The following DHRSX variants were observed in gnomAD, a reference collection of about 807,000 sequenced individuals.
DHRSX encodes polyprenol dehydrogenase.
A neutral mutation model predicts 34.0 loss-of-function variants in DHRSX; 31 were observed. That is an observed-to-expected ratio of 0.91 (90% CI 0.69 to 1.23). DHRSX has a LOEUF of 1.23. Among genes scored for constraint, DHRSX ranks in the 50% most tolerant of loss-of-function variants. The pLI, the probability that DHRSX is intolerant of heterozygous loss-of-function variation, is 0.00. For missense variants in DHRSX, 414 were observed against 428.1 expected, an observed-to-expected ratio of 0.97 and a Z score of 0.29; for synonymous variants, 201 against 183.8, an observed-to-expected ratio of 1.09 and a Z score of -0.76.
intron 3 of DHRSX, among the ~76,000 whole-genome samples, chrX:2,363,656 G>A (rs896424543): frequency 4.7e-5 from 7 of 148,874 alleles, no homozygotes; most frequent in Admixed American, 6.6e-5. Flanking sequence ...TTTTATCACC[G>A]TTCTATGGTA....
chrX:2,429,165 C>G (rs1332251964), intron 1 of DHRSX, among the ~76,000 whole-genome samples: 1 of 151,576 alleles, frequency 6.6e-6, no homozygotes, highest in African/African-American at 2.4e-5. Context: ...CTGACCCAAG[C>G]TGAGGGACTT....
chrX:2,248,701 G>T (rs2016361990), intron 5 of DHRSX, among the ~76,000 whole-genome samples: 1 of 151,588 alleles, frequency 6.6e-6, no homozygotes, highest in Non-Finnish European at 1.5e-5. Flanking sequence ...TTTGAATGTA[G>T]GTTCTACGAC....
At chrX:2,489,432 G>A (rs199719591) in intron 1 of DHRSX, 306 of 1,613,806 alleles carry the variant, frequency 1.9e-4, no homozygotes, top group Middle Eastern at 3.3e-4. Flanking sequence ...GTGGTGTTCA[G>A]GAGCATGTGC....
At chrX:2,392,185 C>T (rs527762484) in intron 3 of DHRSX, among the ~76,000 whole-genome samples, 2 of 152,222 alleles carry the variant, frequency 1.3e-5, no homozygotes, top group Admixed American at 6.5e-5. Context: ...ATGGGTATGA[C>T]GGTCAGGGAG....
At chrX:2,304,168 AACTG>A (rs2042065173) in intron 3 of DHRSX, among the ~76,000 whole-genome samples, 5 of 33,218 alleles carry the variant, frequency 1.5e-4, no homozygotes, top group African/African-American at 2.5e-4. Context: ...TGGATGGATG[AACTG>A]ATGGATGGAT....
At chrX:2,255,776 A>T (rs867425860) in intron 5 of DHRSX, among the ~76,000 whole-genome samples, 1 of 151,468 alleles carries the variant, frequency 6.6e-6, no homozygotes, top group Non-Finnish European at 1.5e-5. Flanking sequence ...TTAGGTGGGC[A>T]TGGTGGCGGT....
intron 5 of DHRSX, among the ~76,000 whole-genome samples, chrX:2,243,788 G>GTTTTTTTTTTTTTTTTT (rs778957532): frequency 1.0e-3 from 25 of 25,114 alleles, no homozygotes; most frequent in Non-Finnish European, 1.7e-3. Context: ...TATGCTCCCT[G>GTTTTTTTTTTTTTTTTT]TTTTTTTTTT....
chrX:2,320,281 A>G lies in DHRSX; in HGVS notation c.287-28678T>C, dbSNP rs186992358. Among the ~76,000 whole-genome samples, 32 of 147,488 alleles carry G rather than the reference A, an allele frequency of 2.2e-4. No individual in the cohort carries two copies. In the East Asian group the frequency reaches 6.0e-3, roughly 28 times the overall value. ...CCCAAAGAGCTTCACATATTTCCCT[A>G]TGTGGACTTTTCTTTTCTTTTTTTT... On this transcript the variant is annotated intron_variant, in intron 3 of 6. Transcript: ENST00000334651.
chrX:2,356,014 C>T (rs1486854866), intron 3 of DHRSX, among the ~76,000 whole-genome samples: 6 of 148,522 alleles, frequency 4.0e-5, no homozygotes, highest in Admixed American at 6.9e-5. Context: ...TGCAGTGAGC[C>T]GAGATTGCGC....
chrX:2,232,588 A>AT (rs1264772260), intron 6 of DHRSX, among the ~76,000 whole-genome samples: 1 of 151,238 alleles, frequency 6.6e-6, no homozygotes, highest in Admixed American at 6.6e-5. Context: ...TTTATTTTTT[A>AT]TTATTTATTT....
intron 6 of DHRSX, among the ~76,000 whole-genome samples, chrX:2,236,986 C>T (rs1221610953): frequency 2.0e-5 from 3 of 151,856 alleles, no homozygotes; most frequent in Admixed American, 6.6e-5. Flanking sequence ...ACTGTGAGTT[C>T]GAGATCAGCC....
At chrX:2,415,618 T>C (rs1197354319) in intron 2 of DHRSX, among the ~76,000 whole-genome samples, 1 of 150,152 alleles carries the variant, frequency 6.7e-6, no homozygotes, top group Non-Finnish European at 1.5e-5. Flanking sequence ...AATCTCCTCA[T>C]ACCCTAACCC....
At chrX:2,355,511 T>TAAAAAAAAAA (rs767512287) in intron 3 of DHRSX, among the ~76,000 whole-genome samples, 7 of 75,302 alleles carry the variant, frequency 9.3e-5, no homozygotes, top group African/African-American at 1.4e-4. Flanking sequence ...AGACCCCATC[T>TAAAAAAAAAA]AAAAAAAAAA....
chrX:2,324,058 A>G (rs1203046399), intron 3 of DHRSX, among the ~76,000 whole-genome samples: 87 of 11,260 alleles, frequency 7.7e-3, no homozygotes, highest in East Asian at 0.034. Context: ...CCCTGTCTGG[A>G]AAAAAAAAAA....
At position 2,323,307 on chromosome X, in the gene DHRSX, A is replaced by G. The variant is rs190198527; in HGVS notation, c.287-31704T>C. On this transcript the variant is annotated intron_variant, in intron 3 of 6. Transcript: ENST00000334651. The stretch of plus-strand genomic sequence containing the variant: ...CTGTCACAGGGTGAATACATCTCCA[A>G]ATGCATTTGAAAACTCCTACGGGAT... Among the ~76,000 whole-genome samples, 340 of 152,256 alleles carry G rather than the reference A, an allele frequency of 2.2e-3. 1 individual carries two copies. The highest frequency in any genetic ancestry group is 3.5e-3 in the Non-Finnish European group (237 of 68,010).
intron 3 of DHRSX, among the ~76,000 whole-genome samples, chrX:2,368,534 G>A (rs2043020691): frequency 6.6e-6 from 1 of 152,070 alleles, no homozygotes. Context: ...GTATTCAAAT[G>A]CTTACGGGTA....
intron 6 of DHRSX, among the ~76,000 whole-genome samples, chrX:2,224,999 C>T (rs1182502690): frequency 1.3e-5 from 2 of 150,974 alleles, no homozygotes; most frequent in South Asian, 2.1e-4. Context: ...CATGCACACA[C>T]ACATGCTCAC....
chrX:2,431,133 G>A (rs2043915074), intron 1 of DHRSX, among the ~76,000 whole-genome samples: 1 of 152,012 alleles, frequency 6.6e-6, no homozygotes, highest in Admixed American at 6.6e-5. Context: ...ACACCATCCT[G>A]GCTAACACGG....
intron 1 of DHRSX, among the ~76,000 whole-genome samples, chrX:2,449,382 A>G (rs1403241234): frequency 6.6e-6 from 1 of 152,146 alleles, no homozygotes; most frequent in Admixed American, 6.5e-5. Flanking sequence ...TCCTGAGTAC[A>G]TGCAAGGTGC....
Sources: allele counts gnomAD v4.1 joint callset (sites outside exome capture counted in the v4.1 genomes callset), GRCh38; gene constraint gnomAD v4.1.1; transcripts MANE v1.5; gene names NCBI Gene and HGNC (gene_info 2026-07-23, HGNC 2026-07-21).